The following SEMA3A variants were observed in gnomAD, a reference collection of about 807,000 sequenced individuals.
SEMA3A encodes the protein semaphorin-3A.
In SEMA3A, 29 loss-of-function variants were observed where a neutral mutation model predicts 97.9. That is an observed-to-expected ratio of 0.30 (90% confidence interval 0.22 to 0.40). SEMA3A has a LOEUF of 0.40. Among genes scored for constraint, SEMA3A ranks in the 10% least tolerant of loss-of-function variants. SEMA3A has a pLI of 1.00. For missense variants in SEMA3A, 763 were observed against 951.3 expected (o/e 0.80, Z 2.60); for synonymous variants, 321 against 323.7 (o/e 0.99, Z 0.09).
chr7:84,048,100 A>C (rs1792431265), intron 5 of SEMA3A, among the ~76,000 whole-genome samples: 1 of 152,060 alleles, frequency 6.6e-6, no homozygotes, highest in African/African-American at 2.4e-5. Context: ...ATTCAAGATA[A>C]ATAAAAAAGA....
intron 3 of SEMA3A, among the ~76,000 whole-genome samples, chr7:84,259,448 T>C (rs1799793625): frequency 6.6e-6 from 1 of 152,032 alleles, no homozygotes; most frequent in Non-Finnish European, 1.5e-5. Flanking sequence ...GGAAGTTATG[T>C]AAGATACATA....
chr7:84,152,959 C>A (rs1796725203), intron 1 of SEMA3A, among the ~76,000 whole-genome samples: 1 of 151,968 alleles, frequency 6.6e-6, no homozygotes, highest in African/African-American at 2.4e-5. Flanking sequence ...GTTATTTTAT[C>A]ATTTCTAAGT....
intron 1 of SEMA3A, among the ~76,000 whole-genome samples, chr7:84,461,853 A>ATT (rs1805849216): frequency 6.6e-6 from 1 of 152,144 alleles, no homozygotes; most frequent in Admixed American, 6.5e-5. Context: ...TTCTCATTTA[A>ATT]TTCTACATTG....
chr7:83,961,893 C>T lies in SEMA3A; in HGVS notation c.1861-67G>A, dbSNP rs181248806. Reference sequence around the variant, plus strand: ...AAAAGAAATAGAAGCTCTGAAACTCCGTGTCTGTAAAACTTTAGATTATGT... The same window carrying T: ...AAAAGAAATAGAAGCTCTGAAACTCTGTGTCTGTAAAACTTTAGATTATGT... On this transcript the variant is annotated intron_variant, in intron 16 of 16. Transcript: ENST00000265362. The T allele has an allele frequency of 1.4e-3, 1,761 of 1,224,564 alleles. 5 individuals are homozygous for T. Among genetic ancestry groups the T allele is most frequent in the Non-Finnish European group, 1.1e-3 (1,007 of 880,506 alleles). The allele number at this position is 1,224,564 out of a possible 1,614,324, so 75.9% of individuals were successfully genotyped here. A position where few individuals can be genotyped will look rare whatever the true frequency, so the allele number is the denominator to read the frequency against.
intron 4 of SEMA3A, among the ~76,000 whole-genome samples, chr7:84,107,212 CT>C (rs1252363085): frequency 3.3e-5 from 5 of 152,126 alleles, no homozygotes; most frequent in African/African-American, 9.7e-5. Flanking sequence ...TACACTGTCT[CT>C]TTTTTTCAAC....
chr7:84,310,019 G>T (rs1254028253), intron 2 of SEMA3A, among the ~76,000 whole-genome samples: 1 of 152,052 alleles, frequency 6.6e-6, no homozygotes, highest in Non-Finnish European at 1.5e-5. Flanking sequence ...TTTGAAAAGT[G>T]CATTGATCAA....
intron 1 of SEMA3A, among the ~76,000 whole-genome samples, chr7:84,434,669 A>G (rs1805078167): frequency 6.6e-6 from 1 of 152,202 alleles, no homozygotes; most frequent in African/African-American, 2.4e-5. Context: ...ACCATGATCA[A>G]GTAGGTTTCA....
intron 4 of SEMA3A, among the ~76,000 whole-genome samples, chr7:84,109,395 T>C (rs1040495750): frequency 5.3e-5 from 8 of 152,262 alleles, no homozygotes; most frequent in African/African-American, 1.9e-4. Flanking sequence ...TGGCAACTGG[T>C]GAGATCTTGG....
chr7:84,231,541 A>G (rs1305106329), intron 3 of SEMA3A, among the ~76,000 whole-genome samples: 1 of 151,986 alleles, frequency 6.6e-6, no homozygotes, highest in Non-Finnish European at 1.5e-5. Flanking sequence ...ATGAGACTGT[A>G]TGTTCCTCAT....
intron 1 of SEMA3A, among the ~76,000 whole-genome samples, chr7:84,444,045 CCTAG>C (rs1181410448): frequency 6.6e-6 from 1 of 151,900 alleles, no homozygotes; most frequent in African/African-American, 2.4e-5. Context: ...TGCCACCATA[CCTAG>C]CTAATTTTTG....
chr7:84,325,490 G>C (rs1801754529), intron 2 of SEMA3A, among the ~76,000 whole-genome samples: 1 of 151,894 alleles, frequency 6.6e-6, no homozygotes, highest in African/African-American at 2.4e-5. Context: ...GAGACTCAAA[G>C]TATACAGGGG....
intron 5 of SEMA3A, among the ~76,000 whole-genome samples, chr7:84,049,272 G>A (rs1792491974): frequency 6.6e-6 from 1 of 151,984 alleles, no homozygotes; most frequent in African/African-American, 2.4e-5. Flanking sequence ...TGATTAAGTG[G>A]CCATGAAGGG....
intron 1 of SEMA3A, among the ~76,000 whole-genome samples, chr7:84,419,076 A>G (rs1484633271): frequency 6.6e-6 from 1 of 152,052 alleles, no homozygotes. Context: ...CAACTTCTCC[A>G]TGAATTGAAT....
intron 1 of SEMA3A, among the ~76,000 whole-genome samples, chr7:84,402,546 C>G (rs1250744533): frequency 6.6e-6 from 1 of 152,162 alleles, no homozygotes; most frequent in East Asian, 1.9e-4. Context: ...TCTTCACTCC[C>G]ATGTTTATTG....
intron 1 of SEMA3A, among the ~76,000 whole-genome samples, chr7:84,462,369 T>C: frequency 6.6e-6 from 1 of 152,188 alleles, no homozygotes. Flanking sequence ...AAATTTTACA[T>C]ATAACAACTG....
rs545302775 is a variant in SEMA3A at position 84,258,129 on chromosome 7, C to T, written c.-83+49078G>A. The stretch of plus-strand genomic sequence containing the variant: ...AACACTGCCTCACACAGGGTCAGCA[C>T]ATTACTGGTTCCCCTTTCTTCATCA... On this transcript the variant is annotated intron_variant, in intron 3 of 3. Coordinates refer to the SEMA3A transcript ENST00000424555. 7.2e-5 allele frequency among the ~76,000 whole-genome samples: 11 copies of T among 152,282 alleles called. No individual in the cohort carries two copies. The South Asian group carries it at 1.2e-3, about 17-fold the overall frequency.
intron 5 of SEMA3A, among the ~76,000 whole-genome samples, chr7:84,048,595 C>T (rs1414669188): frequency 2.6e-5 from 4 of 151,766 alleles, no homozygotes; most frequent in African/African-American, 9.7e-5. Flanking sequence ...TGAGAAGATA[C>T]CTTGTGTCTT....
chr7:83,991,165 A>G lies in SEMA3A; in HGVS notation c.1453-5688T>C, dbSNP rs1195772657. ...GAACGCTTGTGATTTTTGTACATTG[A>G]TTTTGTATCCTGAGACTTTGCTGAA... On this transcript the variant is annotated intron_variant, in intron 12 of 16. Coordinates refer to ENST00000265362, the MANE Select transcript of SEMA3A (RefSeq NM_006080.3). Among the ~76,000 whole-genome samples the G allele has an allele frequency of 4.6e-5, 7 of 151,270 alleles. No homozygotes were observed. In the East Asian group the frequency reaches 1.4e-3, roughly 31 times the overall value.
intron 1 of SEMA3A, among the ~76,000 whole-genome samples, chr7:84,467,244 CG>C (rs1254951286): frequency 1.3e-5 from 2 of 151,946 alleles, no homozygotes; most frequent in East Asian, 3.9e-4. Context: ...ATTCCAGGGC[CG>C]GGCGCAGTGC....
Sources: allele counts gnomAD v4.1 joint callset (sites outside exome capture counted in the v4.1 genomes callset), GRCh38; gene constraint gnomAD v4.1.1; transcripts MANE v1.5; gene names NCBI Gene and HGNC (gene_info 2026-07-23, HGNC 2026-07-21).